The following MCTP2 variants were observed in gnomAD, a reference collection of about 807,000 sequenced individuals.
MCTP2 encodes the protein multiple C2 and transmembrane domain-containing protein 2.
Under a neutral mutation model 111.6 loss-of-function variants are expected in MCTP2, and 132 were observed. The ratio of observed to expected loss-of-function variants is 1.18; its 90% CI spans 1.03 to 1.37. MCTP2 has a LOEUF of 1.37. MCTP2 is among the 40% of genes most tolerant of loss of function. The pLI, the probability that MCTP2 is intolerant of heterozygous loss-of-function variation, is 0.00. For missense variants in MCTP2, 1,183 were observed against 1,067.9 expected (o/e 1.11, Z -1.50); for synonymous variants, 395 against 387.7 (o/e 1.02, Z -0.22).
chr15:94,294,274 G>A (rs1045196494), intron 1 of MCTP2, among the ~76,000 whole-genome samples: 1 of 152,184 alleles, frequency 6.6e-6, no homozygotes, highest in African/African-American at 2.4e-5. Context: ...GATTGTGATG[G>A]TGTAAACACA....
At chr15:94,455,696 C>T (rs1596776446) in intron 19 of MCTP2, among the ~76,000 whole-genome samples, 1 of 151,750 alleles carries the variant, frequency 6.6e-6, no homozygotes, top group Admixed American at 6.6e-5. Context: ...AAGTGCTGGG[C>T]TTACAGGCGT....
At chr15:94,429,570 C>T (rs1421125510) in intron 17 of MCTP2, among the ~76,000 whole-genome samples, 2 of 152,140 alleles carry the variant, frequency 1.3e-5, no homozygotes, top group African/African-American at 4.8e-5. Flanking sequence ...ACAGCCATCT[C>T]CTAATGTATC....
intron 4 of MCTP2, among the ~76,000 whole-genome samples, chr15:94,319,654 G>A (rs1244162669): frequency 6.6e-6 from 1 of 152,184 alleles, no homozygotes; most frequent in African/African-American, 2.4e-5. Context: ...CTCCTTAGAG[G>A]TAGAGTTTCA....
At chr15:94,407,775 GCACACACACACACACACACA>G (rs57851445) in intron 17 of MCTP2, among the ~76,000 whole-genome samples, 25 of 147,800 alleles carry the variant, frequency 1.7e-4, no homozygotes, top group Middle Eastern at 7.1e-3. Flanking sequence ...ATGTACTTGT[GCACACACACACACACACACA>G]CACACACACA....
intron 17 of MCTP2, among the ~76,000 whole-genome samples, chr15:94,410,847 A>G (rs986466168): frequency 1.3e-5 from 2 of 152,248 alleles, no homozygotes; most frequent in Non-Finnish European, 2.9e-5. Context: ...GTTGATCATA[A>G]TAGCCTGTGG....
At chr15:94,472,689 A>G (rs1215135506) in intron 21 of MCTP2, among the ~76,000 whole-genome samples, 1 of 152,218 alleles carries the variant, frequency 6.6e-6, no homozygotes, top group Non-Finnish European at 1.5e-5. Flanking sequence ...AGAAGCTCAT[A>G]GTTTATTGAA....
chr15:94,293,215 A>G (rs952178914), intron 1 of MCTP2, among the ~76,000 whole-genome samples: 27 of 152,286 alleles, frequency 1.8e-4, no homozygotes, highest in Admixed American at 1.3e-3. Flanking sequence ...TTGTTAGACT[A>G]TATCAAAATT....
chr15:94,419,265 T>C (rs7169651), intron 17 of MCTP2, among the ~76,000 whole-genome samples: 66,655 of 151,900 alleles, frequency 0.44, 14,801 homozygotes, highest in African/African-American at 0.5. Context: ...CCAGGTCACT[T>C]TATGACACAT....
intron 17 of MCTP2, among the ~76,000 whole-genome samples, chr15:94,404,303 T>TG (rs1567638712): frequency 1.4e-5 from 2 of 144,330 alleles, no homozygotes; most frequent in Non-Finnish European, 3.0e-5. Context: ...TATTTTTTAT[T>TG]GTTTTTTTTT....
At chr15:94,367,464 C>A in intron 10 of MCTP2, 141 bp from the exon 11 acceptor site, 1 of 623,424 alleles carries the variant, frequency 1.6e-6, no homozygotes, top group Non-Finnish European at 2.7e-6. Flanking sequence ...TGAATTAGGG[C>A]AACCTTTGCT....
chr15:94,441,000 C>T (rs572293015), intron 18 of MCTP2, among the ~76,000 whole-genome samples: 1 of 151,350 alleles, frequency 6.6e-6, no homozygotes, highest in African/African-American at 2.4e-5. Context: ...TATTTGTAGG[C>T]TTTTTTTTTA....
intron 17 of MCTP2, among the ~76,000 whole-genome samples, chr15:94,425,709 T>C (rs1356630189): frequency 6.6e-6 from 1 of 152,150 alleles, no homozygotes; most frequent in Non-Finnish European, 1.5e-5. Context: ...GGGAGATTAT[T>C]CAGATGAGGC....
chr15:94,335,947 C>T (rs1161205371), intron 4 of MCTP2, among the ~76,000 whole-genome samples: 1 of 152,088 alleles, frequency 6.6e-6, no homozygotes, highest in African/African-American at 2.4e-5. Context: ...TTTTACTTTT[C>T]ATCCCTTTCA....
At chr15:94,337,592 C>T (rs909588204) in intron 4 of MCTP2, among the ~76,000 whole-genome samples, 2 of 149,424 alleles carry the variant, frequency 1.3e-5, no homozygotes, top group African/African-American at 4.9e-5. Flanking sequence ...ACTGTACTCT[C>T]ACTAGTGAGC....
intron 1 of MCTP2, among the ~76,000 whole-genome samples, chr15:94,267,175 A>T (rs868715965): frequency 6.6e-6 from 1 of 152,202 alleles, no homozygotes; most frequent in East Asian, 1.9e-4. Flanking sequence ...ATCATAATGT[A>T]GGTGGTTTCT....
chr15:94,257,487 C>T (rs78996224), intron 1 of MCTP2, among the ~76,000 whole-genome samples: 2,191 of 151,024 alleles, frequency 0.015, 54 homozygotes, highest in African/African-American at 0.05. Flanking sequence ...CTACAATGCC[C>T]TGGTAGCATT....
Position 94,474,268 on chromosome 15 carries a change from C to G in MCTP2, c.2471-2428C>G, listed in dbSNP as rs568388171. On this transcript the variant is annotated intron_variant, in intron 21 of 22. Transcript: ENST00000357742. ...CTTTAATAGTATTAAAGGCTCTTTT[C>G]CATGCTCACTTCCTTTGTCTCCTTA... Among the ~76,000 whole-genome samples the G allele has an allele frequency of 3.3e-5, 5 of 152,198 alleles. No homozygotes were observed. The South Asian group carries it at 6.2e-4, about 19-fold the overall frequency.
chr15:94,379,850 T>TATA (rs376856109), intron 12 of MCTP2, among the ~76,000 whole-genome samples: 12,028 of 144,552 alleles, frequency 0.083, 1,664 homozygotes, highest in African/African-American at 0.29. Flanking sequence ...ATATATGATA[T>TATA]ATATATAATA....
chr15:94,478,574 C>T (rs2074554708), intron 22 of MCTP2, among the ~76,000 whole-genome samples: 1 of 152,046 alleles, frequency 6.6e-6, no homozygotes, highest in Non-Finnish European at 1.5e-5. Flanking sequence ...ATGTTTTCCC[C>T]AAGATTTTAG....
Sources: allele counts gnomAD v4.1 joint callset (sites outside exome capture counted in the v4.1 genomes callset), GRCh38; gene constraint gnomAD v4.1.1; transcripts MANE v1.5; gene names NCBI Gene and HGNC (gene_info 2026-07-23, HGNC 2026-07-21).